The following SACM1L variants were observed in gnomAD, a reference collection of about 807,000 sequenced individuals.
SACM1L encodes phosphatidylinositol-3-phosphatase SAC1.
A neutral mutation model predicts 89.5 loss-of-function variants in SACM1L; 32 were observed. That is an observed-to-expected ratio of 0.36 (90% CI 0.27 to 0.48). The LOEUF is 0.48. Among genes scored for constraint, SACM1L ranks in the 20% least tolerant of loss-of-function variants. The pLI, the probability that SACM1L is intolerant of heterozygous loss-of-function variation, is 0.99. For missense variants in SACM1L, 543 were observed against 708.5 expected (o/e 0.77, Z 2.65); for synonymous variants, 213 against 232.8 (o/e 0.92, Z 0.77).
chr3:45,729,941 G>T (rs1452811891), intron 11 of SACM1L, among the ~76,000 whole-genome samples: 1 of 150,486 alleles, frequency 6.6e-6, no homozygotes, highest in Non-Finnish European at 1.5e-5. Flanking sequence ...GTACTCTTTT[G>T]CTCCAGAATT....
chr3:45,700,196 A>G (rs902436459), intron 1 of SACM1L, among the ~76,000 whole-genome samples: 4 of 152,148 alleles, frequency 2.6e-5, no homozygotes, highest in Non-Finnish European at 4.4e-5. Context: ...GAGGAATTCG[A>G]TTTCTGAGCT....
chr3:45,695,487 C>T (rs1407107529), intron 1 of SACM1L, among the ~76,000 whole-genome samples: 1 of 152,134 alleles, frequency 6.6e-6, no homozygotes, highest in African/African-American at 2.4e-5. Context: ...TCTTGATCTC[C>T]TGACCTCAAG....
intron 1 of SACM1L, among the ~76,000 whole-genome samples, chr3:45,702,090 C>T (rs1698288501): frequency 6.6e-6 from 1 of 152,152 alleles, no homozygotes; most frequent in South Asian, 2.1e-4. Context: ...TATTGATTTT[C>T]CTTTACTTAG....
chr3:45,710,597 G>A lies in SACM1L; in HGVS notation c.483+950G>A, dbSNP rs79531838. ...GTTTCTTTTGTTCAGGAACCTGGAT[G>A]ATTGCTACCTGAATTTTTTTTTGAC... On this transcript the variant is annotated intron_variant, in intron 5 of 19. Coordinates refer to ENST00000389061, the MANE Select transcript of SACM1L (RefSeq NM_014016.5). Among the ~76,000 whole-genome samples the A allele has an allele frequency of 4.6e-3, 690 of 150,322 alleles. 5 individuals are homozygous for A. Among genetic ancestry groups the A allele is most frequent in the African/African-American group, 0.016 (656 of 40,892 alleles).
intron 5 of SACM1L, among the ~76,000 whole-genome samples, chr3:45,709,896 A>G (rs1698482123): frequency 6.6e-6 from 1 of 152,186 alleles, no homozygotes. Context: ...GTATAAACAC[A>G]CATGTAAGTT....
chr3:45,736,586 G>T (rs1179132717), intron 14 of SACM1L, among the ~76,000 whole-genome samples: 2 of 152,182 alleles, frequency 1.3e-5, no homozygotes, highest in Non-Finnish European at 2.9e-5. Context: ...GGAGTAGTCT[G>T]TAGTTTGTAT....
At chr3:45,707,747 C>A (rs910319209) in intron 4 of SACM1L, among the ~76,000 whole-genome samples, 6 of 152,068 alleles carry the variant, frequency 3.9e-5, no homozygotes, top group Non-Finnish European at 8.8e-5. Flanking sequence ...AGATATTTCC[C>A]AACATTGAAA....
At chr3:45,732,588 C>T (rs1699100461) in intron 13 of SACM1L, among the ~76,000 whole-genome samples, 1 of 152,126 alleles carries the variant, frequency 6.6e-6, no homozygotes, top group African/African-American at 2.4e-5. Context: ...CCCTGAGCAC[C>T]TGGTTTATTT....
chr3:45,726,501 AGTT>A (rs1698920395), intron 11 of SACM1L, among the ~76,000 whole-genome samples: 1 of 152,102 alleles, frequency 6.6e-6, no homozygotes, highest in Admixed American at 6.5e-5. Context: ...GTTGGCATAC[AGTT>A]GTTCATAGTA....
intron 1 of SACM1L, among the ~76,000 whole-genome samples, chr3:45,696,605 G>A (rs1698133764): frequency 6.6e-6 from 1 of 151,374 alleles, no homozygotes; most frequent in South Asian, 2.1e-4. Flanking sequence ...GGATTCCAGT[G>A]TCTCCGCATC....
chr3:45,695,459 C>T (rs1698098696), intron 1 of SACM1L, among the ~76,000 whole-genome samples: 1 of 152,014 alleles, frequency 6.6e-6, no homozygotes, highest in Non-Finnish European at 1.5e-5. Flanking sequence ...CAGAGTTTCA[C>T]CATGTTGGCC....
intron 13 of SACM1L, 82 bp downstream of exon 13, chr3:45,732,233 C>T (rs969950119): frequency 4.2e-6 from 3 of 712,256 alleles, no homozygotes; most frequent in Admixed American, 5.5e-5. Flanking sequence ...ATCCAGCAGA[C>T]TTACAAGTAC....
At chr3:45,701,397 C>T (rs894619666) in intron 1 of SACM1L, among the ~76,000 whole-genome samples, 2 of 152,116 alleles carry the variant, frequency 1.3e-5, no homozygotes, top group East Asian at 1.9e-4. Context: ...CCGCATAGCC[C>T]CTAGTGCTTG....
intron 14 of SACM1L, among the ~76,000 whole-genome samples, chr3:45,735,786 T>G (rs936104129): frequency 1.3e-5 from 2 of 152,236 alleles, no homozygotes; most frequent in African/African-American, 2.4e-5. Flanking sequence ...TCCAAGAGCG[T>G]CATACCAGTT....
At chr3:45,701,469 C>T (rs1047675858) in intron 1 of SACM1L, among the ~76,000 whole-genome samples, 1 of 152,080 alleles carries the variant, frequency 6.6e-6, no homozygotes, top group African/African-American at 2.4e-5. Flanking sequence ...TGGAATGCAA[C>T]TTGTGCTTCC....
chr3:45,690,314 T>C (rs1413717073), intron 1 of SACM1L: 4 of 152,266 alleles, frequency 2.6e-5, no homozygotes, highest in African/African-American at 9.6e-5. Context: ...ATAATTTTGT[T>C]GTACTCACTT....
At chr3:45,722,977 T>C (rs757054487) in intron 10 of SACM1L, 22 bp downstream of exon 10, 3 of 1,571,822 alleles carry the variant, frequency 1.9e-6, no homozygotes, top group Admixed American at 3.4e-5. Context: ...GCATGCCTTT[T>C]TTGTTGGTTA....
At chr3:45,739,688 C>G in intron 19 of SACM1L, 44 bp downstream of exon 19, 1 of 1,571,188 alleles carries the variant, frequency 6.4e-7, no homozygotes, top group Non-Finnish European at 8.8e-7. Context: ...GAATGTTGAC[C>G]TTTCTTTTAC....
intron 7 of SACM1L, 54 bp from the exon 8 acceptor site, chr3:45,719,446 G>T (rs1698738789): frequency 9.7e-7 from 1 of 1,034,196 alleles, no homozygotes; most frequent in Non-Finnish European, 1.4e-6. Context: ...AAACAATCTA[G>T]AAACAATGCT....
Sources: gnomAD v4.1 joint callset for allele counts (sites outside exome capture counted in the v4.1 genomes callset) on GRCh38, gnomAD v4.1.1 for gene constraint, MANE v1.5 for transcripts, NCBI Gene and HGNC (gene_info 2026-07-23, HGNC 2026-07-21) for gene names.